The following PPP2R2B variants were observed in gnomAD, a reference collection of about 807,000 sequenced individuals.
The protein encoded by PPP2R2B is serine/threonine-protein phosphatase 2A 55 kDa regulatory subunit B beta isoform.
Under a neutral mutation model 46.0 loss-of-function variants are expected in PPP2R2B, and 5 were observed. That is an observed-to-expected ratio of 0.11 (90% CI 0.06 to 0.23). The LOEUF (loss-of-function observed/expected upper bound fraction) is 0.23. PPP2R2B is among the 10% of genes least tolerant of loss of function. The pLI is 1.00. For synonymous variants in PPP2R2B, 215 were observed against 206.7 expected, an observed-to-expected ratio of 1.04 and a Z score of -0.34; for missense variants, 367 against 575.0, an observed-to-expected ratio of 0.64 and a Z score of 3.70.
intron 2 of PPP2R2B, among the ~76,000 whole-genome samples, chr5:146,846,030 C>A (rs1759983161): frequency 6.6e-6 from 1 of 152,112 alleles, no homozygotes; most frequent in African/African-American, 2.4e-5. Context: ...TCATAATTGT[C>A]ATTTTGATTA....
intron 2 of PPP2R2B, among the ~76,000 whole-genome samples, chr5:146,745,831 G>A (rs2400230): frequency 0.084 from 12,804 of 152,116 alleles, 935 homozygotes; most frequent in East Asian, 0.41. Flanking sequence ...GGTGGTGCAT[G>A]CCTATAGTCC....
At chr5:146,781,155 T>TATATATATATATATATATATATATATAG (rs1755494436) in intron 2 of PPP2R2B, among the ~76,000 whole-genome samples, 1 of 120,456 alleles carries the variant, frequency 8.3e-6, no homozygotes, top group Non-Finnish European at 1.8e-5. Context: ...TATATATATA[T>TATATATATATATATATATATATATATAG]ATATATATAT....
rs116571697 is a variant in PPP2R2B at position 146,941,391 on chromosome 5, G to A, written c.79+114274C>T. On this transcript the variant is annotated intron_variant, in intron 1 of 8. Coordinates refer to the PPP2R2B transcript ENST00000336640. ...GAAAACATGAAAATTATGACAAACC[G>A]GCCTGAAATTCTTTAAGGTAGTCCA... is the stretch of plus-strand genomic sequence containing the variant. 4.7e-3 allele frequency among the ~76,000 whole-genome samples: 711 copies of A among 152,134 alleles called. 4 individuals carry two copies. Among genetic ancestry groups the A allele is most frequent in the African/African-American group, 0.016 (664 of 41,508 alleles).
chr5:146,990,765 C>T (rs879933365), intron 1 of PPP2R2B, among the ~76,000 whole-genome samples: 19 of 151,662 alleles, frequency 1.3e-4, no homozygotes, highest in Admixed American at 4.6e-4. Context: ...AACAATCAAC[C>T]GAGTGAAGAG....
intron 2 of PPP2R2B, among the ~76,000 whole-genome samples, chr5:146,719,439 C>T (rs1346693219): frequency 1.3e-5 from 2 of 152,224 alleles, no homozygotes; most frequent in African/African-American, 2.4e-5. Flanking sequence ...GGGCAAGTTA[C>T]TTGAGTTCTC....
At chr5:146,720,641 C>T (rs1461506047) in intron 2 of PPP2R2B, among the ~76,000 whole-genome samples, 1 of 152,112 alleles carries the variant, frequency 6.6e-6, no homozygotes, top group Non-Finnish European at 1.5e-5. Context: ...ACCCACAGTT[C>T]ATACATTAAC....
chr5:146,846,548 C>T (rs1032881993), intron 2 of PPP2R2B, among the ~76,000 whole-genome samples: 17 of 144,730 alleles, frequency 1.2e-4, no homozygotes, highest in South Asian at 1.1e-3. Context: ...CATGGTGGCA[C>T]GTGCCTGCAA....
At chr5:146,976,461 C>A (rs1325958495) in intron 1 of PPP2R2B, among the ~76,000 whole-genome samples, 1 of 151,896 alleles carries the variant, frequency 6.6e-6, no homozygotes. Flanking sequence ...TTTATGTTTT[C>A]CATTTAGGTC....
chr5:146,994,099 G>A (rs1180105707), intron 1 of PPP2R2B, among the ~76,000 whole-genome samples: 3 of 152,216 alleles, frequency 2.0e-5, no homozygotes, highest in East Asian at 1.9e-4. Context: ...GCTCTTACTC[G>A]GCTGTGTCCC....
At chr5:146,647,635 G>T (rs1016859232) in intron 6 of PPP2R2B, among the ~76,000 whole-genome samples, 3 of 152,102 alleles carry the variant, frequency 2.0e-5, no homozygotes, top group Non-Finnish European at 4.4e-5. Context: ...TTTCCCCTTT[G>T]CATTCTCCCC....
chr5:146,745,961 GAA>G (rs5871991), intron 2 of PPP2R2B, among the ~76,000 whole-genome samples: 250 of 146,706 alleles, frequency 1.7e-3, no homozygotes, highest in Middle Eastern at 0.01. Flanking sequence ...TGGTCTCAAA[GAA>G]AAAAAAAAAA....
At chr5:146,942,224 T>G (rs1184151398) in intron 1 of PPP2R2B, among the ~76,000 whole-genome samples, 1 of 152,204 alleles carries the variant, frequency 6.6e-6, no homozygotes, top group Non-Finnish European at 1.5e-5. Context: ...GATTTAACCC[T>G]TAACAGCTAA....
At chr5:146,919,810 C>G (rs189329770) in intron 1 of PPP2R2B, 5 of 152,200 alleles carry the variant, frequency 3.3e-5, no homozygotes, top group Non-Finnish European at 5.9e-5. Flanking sequence ...AGCAACTTTA[C>G]AGGTGAAAAG....
chr5:146,695,977 A>G (rs1779151092), intron 4 of PPP2R2B, among the ~76,000 whole-genome samples: 1 of 152,206 alleles, frequency 6.6e-6, no homozygotes, highest in Admixed American at 6.5e-5. Flanking sequence ...TGGGAAGATA[A>G]TATCCTTGTT....
chr5:146,978,477 T>A (rs1442602690), intron 1 of PPP2R2B, among the ~76,000 whole-genome samples: 1 of 152,190 alleles, frequency 6.6e-6, no homozygotes, highest in Non-Finnish European at 1.5e-5. Flanking sequence ...TGCCTAAGTT[T>A]TCTTCTAGGG....
chr5:146,628,550 C>T (rs1347291818), intron 7 of PPP2R2B, among the ~76,000 whole-genome samples: 2 of 152,170 alleles, frequency 1.3e-5, no homozygotes, highest in Non-Finnish European at 2.9e-5. Flanking sequence ...TGGCCAGATT[C>T]AGCTTCTGCA....
At chr5:146,900,064 A>G (rs911370710) in intron 1 of PPP2R2B, among the ~76,000 whole-genome samples, 4 of 152,200 alleles carry the variant, frequency 2.6e-5, no homozygotes, top group African/African-American at 7.2e-5. Context: ...TCTATACTCA[A>G]CCTACCAACT....
intron 1 of PPP2R2B, among the ~76,000 whole-genome samples, chr5:146,973,473 C>A (rs1752757086): frequency 6.6e-6 from 1 of 152,186 alleles, no homozygotes; most frequent in African/African-American, 2.4e-5. Flanking sequence ...CGAAGGGCAG[C>A]GTGGCCCCAG....
chr5:146,823,111 G>A (rs1758368490), intron 2 of PPP2R2B, among the ~76,000 whole-genome samples: 1 of 152,170 alleles, frequency 6.6e-6, no homozygotes, highest in South Asian at 2.1e-4. Context: ...TCAGCCCCCT[G>A]TTCTGGTTTC....
Sources: allele counts gnomAD v4.1 joint callset (sites outside exome capture counted in the v4.1 genomes callset), GRCh38; gene constraint gnomAD v4.1.1; transcripts MANE v1.5; gene names NCBI Gene and HGNC (gene_info 2026-07-23, HGNC 2026-07-21).